LUC7L2: variants seen among roughly 807,000 people sequenced by gnomAD.
The protein encoded by LUC7L2 is putative RNA-binding protein Luc7-like 2.
LUC7L2 carries 25 observed loss-of-function variants against 52.8 expected under a neutral mutation model. The observed-to-expected ratio is 0.47, with a 90% CI of 0.34 to 0.66. The LOEUF is 0.66. LUC7L2 is among the 30% of genes least tolerant of loss of function. The pLI is 0.01. For synonymous variants in LUC7L2, 144 were observed against 160.9 expected (o/e 0.89, Z 0.80); for missense variants, 328 against 497.8 (o/e 0.66, Z 3.25).
intron 1 of LUC7L2, among the ~76,000 whole-genome samples, chr7:139,372,505 GCTA>G (rs1469679018): frequency 2.7e-5 from 4 of 150,636 alleles, no homozygotes; most frequent in Non-Finnish European, 5.9e-5. Context: ...TCAAATTTTG[GCTA>G]CTTATTGCAT....
At chr7:139,368,737 C>CAAAAAAA (rs779546165) in intron 1 of LUC7L2, among the ~76,000 whole-genome samples, 44 of 110,604 alleles carry the variant, frequency 4.0e-4, no homozygotes, top group African/African-American at 1.3e-3. Flanking sequence ...GACACCGTCT[C>CAAAAAAA]AAAAAAAAAA....
rs752378428 is a variant in LUC7L2, at chr7:139,415,063, T to G, written c.810-2475T>G. Among the ~76,000 whole-genome samples the G allele has an allele frequency of 5.2e-3, 744 of 144,230 alleles. 5 individuals are homozygous for G. Among genetic ancestry groups the G allele is most frequent in the East Asian group, 7.9e-3 (39 of 4,912 alleles). The allele number at this position is 144,230 out of a possible 152,430, so 94.6% of individuals were successfully genotyped here. On this transcript the variant is annotated intron_variant, in intron 8 of 9. Transcript: ENST00000354926. ...CACCATGCCCTGCTAAGTTTTTTTT[T>G]TTTTTTTTTTTTTTTTTTTTGTATT...
chr7:139,399,539 G>A (rs1385016164), intron 3 of LUC7L2, among the ~76,000 whole-genome samples: 2 of 129,762 alleles, frequency 1.5e-5, no homozygotes, highest in Non-Finnish European at 3.1e-5. Context: ...GCCCAATCTC[G>A]GCTCACTGCA....
At chr7:139,419,036 A>G (rs1795757875) in intron 9 of LUC7L2, among the ~76,000 whole-genome samples, 1 of 152,068 alleles carries the variant, frequency 6.6e-6, no homozygotes, top group Non-Finnish European at 1.5e-5. Context: ...GCTTGAACAC[A>G]AAGGTGGAGG....
intron 1 of LUC7L2, among the ~76,000 whole-genome samples, chr7:139,350,203 G>C (rs577726443): frequency 6.6e-6 from 1 of 151,734 alleles, no homozygotes; most frequent in Non-Finnish European, 1.5e-5. Flanking sequence ...CTCACTGCAA[G>C]CTCCGCCTCC....
intron 1 of LUC7L2, among the ~76,000 whole-genome samples, chr7:139,349,652 A>G (rs575027683): frequency 1.4e-5 from 2 of 146,678 alleles, no homozygotes; most frequent in Non-Finnish European, 3.0e-5. Context: ...AATAGTACTT[A>G]AATATGCTTA....
rs1371936814 is a variant in LUC7L2 at position 139,360,141 on chromosome 7, C to G, written c.-121C>G. The stretch of plus-strand genomic sequence containing the variant: ...CCTCCGGCTCCCTTTCCGCACGCCT[C>G]GAGGCGGCGGCGGCCACCGAGACAG... On this transcript the variant is annotated 5_prime_UTR_variant, in exon 1 of 10. Coordinates refer to ENST00000354926, the MANE Select transcript of LUC7L2 (RefSeq NM_016019.5). 11 of 656,104 alleles carry G rather than the reference C, an allele frequency of 1.7e-5. No individual in the cohort carries two copies. The East Asian group carries it at 3.5e-4, about 21-fold the overall frequency. The allele number at this position is 656,104 out of a possible 1,614,324, so 40.6% of individuals were successfully genotyped here. A position where few individuals can be genotyped will look rare whatever the true frequency, so the allele number is the denominator to read the frequency against.
chr7:139,416,309 G>C (rs1795613841), intron 8 of LUC7L2: 1 of 151,464 alleles, frequency 6.6e-6, no homozygotes, highest in South Asian at 2.1e-4. Context: ...TTTGTGACCT[G>C]GTGGAGGCTA....
At chr7:139,420,467 T>C (rs966880205) in intron 9 of LUC7L2, among the ~76,000 whole-genome samples, 1 of 152,154 alleles carries the variant, frequency 6.6e-6, no homozygotes, top group African/African-American at 2.4e-5. Flanking sequence ...CCTCCCAAAA[T>C]GCTGGGATTA....
intron 1 of LUC7L2, among the ~76,000 whole-genome samples, chr7:139,366,219 T>C (rs1425267547): frequency 6.6e-6 from 1 of 152,230 alleles, no homozygotes; most frequent in East Asian, 1.9e-4. Flanking sequence ...CCAGTATAGT[T>C]GTGAACCATG....
chr7:139,416,057 A>C (rs1422642077), intron 8 of LUC7L2: 6 of 38,816 alleles, frequency 1.5e-4, no homozygotes, highest in Admixed American at 1.3e-3. Flanking sequence ...ATATATATAT[A>C]TATATATATA....
At chr7:139,403,107 C>A (rs982511369) in intron 4 of LUC7L2, among the ~76,000 whole-genome samples, 2 of 152,152 alleles carry the variant, frequency 1.3e-5, no homozygotes, top group Admixed American at 6.5e-5. Context: ...TGTATCAGTT[C>A]ATTCCTTTTT....
upstream of LUC7L2, among the ~76,000 whole-genome samples, chr7:139,355,251 C>T (rs2131163695): frequency 6.6e-6 from 1 of 152,132 alleles, no homozygotes; most frequent in Admixed American, 6.6e-5. Flanking sequence ...TGGTTCCTGA[C>T]TAGTAATCTC....
intron 7 of LUC7L2, 65 bp from the exon 8 acceptor site, chr7:139,412,486 T>A (rs1795402815): frequency 1.1e-5 from 16 of 1,523,670 alleles, no homozygotes; most frequent in Non-Finnish European, 1.4e-5. Flanking sequence ...AAGAATATAA[T>A]GTAACACTGC....
At chr7:139,347,242 A>G (rs1206851887) in intron 1 of LUC7L2, among the ~76,000 whole-genome samples, 1 of 152,214 alleles carries the variant, frequency 6.6e-6, no homozygotes, top group Non-Finnish European at 1.5e-5. Flanking sequence ...AATGTTTTTG[A>G]ATACATAACT....
Position 139,360,229 on chromosome 7 carries a change from C to A in LUC7L2, c.-33C>A. 1 of 1,532,272 alleles carries A rather than the reference C, an allele frequency of 6.5e-7. No homozygotes were observed. The highest frequency in any genetic ancestry group is 8.8e-7 in the Non-Finnish European group (1 of 1,134,424). The allele number at this position is 1,532,272 out of a possible 1,614,324, so 94.9% of individuals were successfully genotyped here. On this transcript the variant is annotated 5_prime_UTR_variant, in exon 1 of 10. Coordinates refer to ENST00000354926, the MANE Select transcript of LUC7L2 (RefSeq NM_016019.5). ...GCCCAAAAGGGCCCGGTCTGCGCCC[C>A]ACCCCCGCCCGTCCGCCCGCTACGC...
At chr7:139,401,730 G>A (rs1794924717) in intron 3 of LUC7L2, among the ~76,000 whole-genome samples, 1 of 151,080 alleles carries the variant, frequency 6.6e-6, no homozygotes, top group Non-Finnish European at 1.5e-5. Context: ...TGGAATTATA[G>A]GCGTGACCCA....
At chr7:139,382,143 G>C (rs180873141) in intron 2 of LUC7L2, among the ~76,000 whole-genome samples, 5 of 151,410 alleles carry the variant, frequency 3.3e-5, no homozygotes, top group Admixed American at 1.3e-4. Context: ...GCCTACCTTG[G>C]CCTCCCAAAG....
In LUC7L2 at chr7:139,407,166, T is replaced by C. The variant is rs749983232; in HGVS notation, c.511-8T>C. 2 of 1,604,638 alleles carry C rather than the reference T, an allele frequency of 1.2e-6. No homozygotes were observed. The highest frequency in any genetic ancestry group is 1.7e-5 in the Admixed American group (1 of 58,674). On this transcript the variant is annotated splice_region_variant and splice_polypyrimidine_tract_variant and intron_variant, in intron 5 of 9. Coordinates refer to ENST00000354926, the MANE Select transcript of LUC7L2 (RefSeq NM_016019.5). ...TATATGGTCATTGTTTTTCTCACTT[T>C]TGTTTAGGAAGTTTATCGGAATTCT...
Sources: gnomAD v4.1 joint callset for allele counts (sites outside exome capture counted in the v4.1 genomes callset) on GRCh38, gnomAD v4.1.1 for gene constraint, MANE v1.5 for transcripts, NCBI Gene and HGNC (gene_info 2026-07-23, HGNC 2026-07-21) for gene names.